RCSD1: variants seen among roughly 807,000 people sequenced by gnomAD.
RCSD1 encodes RCSD domain containing 1, also known as capZ-interacting protein.
RCSD1 carries 26 observed loss-of-function variants against 42.5 expected under a neutral mutation model. That is an observed-to-expected ratio of 0.61 (90% confidence interval 0.45 to 0.85). The LOEUF is 0.85. Among genes scored for constraint, RCSD1 ranks in the 40% least tolerant of loss-of-function variants. The pLI is 0.00. For synonymous variants in RCSD1, 220 were observed against 212.2 expected, an observed-to-expected ratio of 1.04 and a Z score of -0.32; for missense variants, 571 against 528.3, an observed-to-expected ratio of 1.08 and a Z score of -0.79.
chr1:167,669,697 A>G (rs752748843), intron 1 of RCSD1, among the ~76,000 whole-genome samples: 3 of 152,184 alleles, frequency 2.0e-5, no homozygotes, highest in Non-Finnish European at 2.9e-5. Flanking sequence ...ACCTGGATCC[A>G]CAAGTCAAAT....
chr1:167,694,017 A>G, intron 4 of RCSD1, 82 bp from the exon 5 acceptor site: 2 of 1,387,872 alleles, frequency 1.4e-6, no homozygotes, highest in South Asian at 2.4e-5. Flanking sequence ...ACCAGGCCTG[A>G]GGCCAGATAA....
At chr1:167,638,949 G>A (rs931387064) in intron 1 of RCSD1, among the ~76,000 whole-genome samples, 2 of 152,192 alleles carry the variant, frequency 1.3e-5, no homozygotes, top group African/African-American at 4.8e-5. Flanking sequence ...CGGGGGCGGT[G>A]GCTTATGCCT....
At chr1:167,673,797 C>T (rs1031977045) in intron 1 of RCSD1, among the ~76,000 whole-genome samples, 1 of 152,172 alleles carries the variant, frequency 6.6e-6, no homozygotes, top group Admixed American at 6.5e-5. Context: ...GTGTACCAGC[C>T]AGCCCCTGTG....
intron 6 of RCSD1, among the ~76,000 whole-genome samples, chr1:167,703,639 C>G (rs1030739388): frequency 6.6e-6 from 1 of 152,172 alleles, no homozygotes; most frequent in African/African-American, 2.4e-5. Context: ...TATCCCAAAC[C>G]CTTTGATACT....
rs1178698874 is a variant in RCSD1 at position 167,697,443 on chromosome 1, C to G, written c.819C>G (p.Gly273=). 1 of 1,611,732 alleles carries G rather than the reference C, an allele frequency of 6.2e-7. No homozygotes were observed. The highest frequency in any genetic ancestry group is 8.5e-7 in the Non-Finnish European group (1 of 1,179,044). ...KARRSSEEVD[G]QHPAQEEVPE... ...GGCGGAGTTCAGAGGAGGTGGACGGCCAGCACCCGGCCCAAGAGGAGGTCC... is the reference window on the plus strand; with the variant it reads ...GGCGGAGTTCAGAGGAGGTGGACGGGCAGCACCCGGCCCAAGAGGAGGTCC... The change falls in exon 6 of 7, where the codon GGC becomes GGG. Residue 273 remains glycine, a synonymous_variant. Transcript: ENST00000367854.
chr1:167,640,070 G>C (rs1657967058), intron 1 of RCSD1, among the ~76,000 whole-genome samples: 1 of 152,216 alleles, frequency 6.6e-6, no homozygotes, highest in South Asian at 2.1e-4. Context: ...AGAGATGCCT[G>C]GCACTCCAGG....
At chr1:167,680,579 C>T (rs1444718181) in intron 1 of RCSD1, among the ~76,000 whole-genome samples, 4 of 152,038 alleles carry the variant, frequency 2.6e-5, no homozygotes, top group South Asian at 2.1e-4. Flanking sequence ...CAACTGGGCC[C>T]GAGTGATCCT....
intron 1 of RCSD1, among the ~76,000 whole-genome samples, chr1:167,656,557 G>T (rs1371053481): frequency 6.6e-6 from 1 of 152,078 alleles, no homozygotes; most frequent in African/African-American, 2.4e-5. Flanking sequence ...CAGATCATTT[G>T]GTGACACTGG....
intron 6 of RCSD1, 90 bp downstream of exon 6, chr1:167,697,932 TA>T: frequency 7.7e-7 from 1 of 1,299,100 alleles, no homozygotes. Context: ...AGTCCCTTCA[TA>T]AATCAGCTCG....
At chr1:167,684,789 G>A (rs1312384266) in intron 2 of RCSD1, among the ~76,000 whole-genome samples, 5 of 152,168 alleles carry the variant, frequency 3.3e-5, no homozygotes, top group African/African-American at 1.2e-4. Flanking sequence ...CAGGAGAATC[G>A]CTTGAACCCA....
Position 167,708,054 on chromosome 1 carries a change from A to C in RCSD1, c.*3358A>C, listed in dbSNP as rs945876. Among the ~76,000 whole-genome samples the C allele has an allele frequency of 0.98, 149,850 of 152,272 alleles. 73,741 individuals are homozygous for C. Among genetic ancestry groups the C allele is most frequent in the East Asian group, 1 (5,184 of 5,184 alleles). ...ACCCAGTGAAAGGGCTTATTCTTTC[A>C]CCATTACTGTGGGGAAAAAGTCCTG... On this transcript the variant is annotated 3_prime_UTR_variant, in exon 7 of 7. Coordinates refer to ENST00000367854, the MANE Select transcript of RCSD1 (RefSeq NM_052862.4).
chr1:167,693,076 T>A (rs937656869), intron 4 of RCSD1, among the ~76,000 whole-genome samples: 5 of 152,130 alleles, frequency 3.3e-5, no homozygotes, highest in African/African-American at 1.2e-4. Context: ...AAGTGAAAGA[T>A]CCAGTATTTA....
chr1:167,670,080 G>A (rs983246423), intron 1 of RCSD1, among the ~76,000 whole-genome samples: 3 of 152,096 alleles, frequency 2.0e-5, no homozygotes, highest in African/African-American at 7.2e-5. Context: ...GCCTCCAGGT[G>A]GCTGTAACAT....
intron 6 of RCSD1, among the ~76,000 whole-genome samples, chr1:167,703,370 G>C (rs1377599187): frequency 2.0e-5 from 3 of 152,112 alleles, no homozygotes; most frequent in African/African-American, 7.2e-5. Context: ...TAATGGAATT[G>C]TGACCAGGCA....
rs1389359579 is a variant in RCSD1 at position 167,673,306 on chromosome 1, CAT to C, written c.7-10592_7-10591del. On this transcript the variant is annotated intron_variant, in intron 1 of 6. Transcript: ENST00000367854. ...CCAAGGTTTTCAGAATGGATTGAAA[CAT>C]AGATTGATAACTATCTGCTTCCGCG... Among the ~76,000 whole-genome samples, 4 of 152,350 alleles carry C rather than the reference CAT, an allele frequency of 2.6e-5. No homozygotes were observed. The East Asian group carries it at 5.8e-4, about 22-fold the overall frequency.
intron 1 of RCSD1, among the ~76,000 whole-genome samples, chr1:167,632,580 G>A (rs563360658): frequency 6.6e-6 from 1 of 152,222 alleles, no homozygotes; most frequent in South Asian, 2.1e-4. Context: ...AGTAACTTAT[G>A]CAGGATTCCA....
At position 167,690,072 on chromosome 1, in the gene RCSD1, C is replaced by T. The variant is rs1402052136; in HGVS notation, c.222C>T (p.His74=). Residue 74 remains histidine, a synonymous_variant, in exon 4 of 7, where the codon CAC becomes CAT. Transcript: ENST00000367854. The part of the protein sequence containing the change: ...GEEKSPPNAS[H]PPKFKVKSSP... ...AGAAATCACCACCCAATGCGAGCCA[C>T]CCTCCTAAATTCAAGGTCAAGAGCT... 6.2e-7 allele frequency: 1 copy of T among 1,614,036 alleles called. No homozygotes were observed. Among genetic ancestry groups the T allele is most frequent in the Non-Finnish European group, 8.5e-7 (1 of 1,180,026 alleles).
chr1:167,701,320 T>TCTTTCTTTC (rs1558096159), intron 6 of RCSD1, among the ~76,000 whole-genome samples: 1 of 99,136 alleles, frequency 1.0e-5, no homozygotes, highest in Non-Finnish European at 2.1e-5. Context: ...TTCTTTCTTT[T>TCTTTCTTTC]TTTTAGATGG....
intron 1 of RCSD1, among the ~76,000 whole-genome samples, chr1:167,673,032 C>T (rs1027537917): frequency 6.6e-6 from 1 of 152,144 alleles, no homozygotes; most frequent in Non-Finnish European, 1.5e-5. Context: ...ACTGCAAGAG[C>T]TCATGTGATC....
Sources: allele counts gnomAD v4.1 joint callset (sites outside exome capture counted in the v4.1 genomes callset), GRCh38; gene constraint gnomAD v4.1.1; transcripts MANE v1.5; gene names NCBI Gene and HGNC (gene_info 2026-07-23, HGNC 2026-07-21).